SLC44A5: variants seen among roughly 807,000 people sequenced by gnomAD.
The protein encoded by SLC44A5 is solute carrier family 44 member 5.
A neutral mutation model predicts 101.8 loss-of-function variants in SLC44A5; 57 were observed. The ratio of observed to expected loss-of-function variants is 0.56; its 90% confidence interval spans 0.45 to 0.70. The LOEUF (loss-of-function observed/expected upper bound fraction) is 0.70, where lower values mean the gene tolerates loss of function less well. Among genes scored for constraint, SLC44A5 ranks in the 30% least tolerant of loss-of-function variants. SLC44A5 has a pLI of 0.00. For missense variants in SLC44A5, 737 were observed against 853.1 expected, an observed-to-expected ratio of 0.86 and a Z score of 1.70; for synonymous variants, 281 against 290.9, an observed-to-expected ratio of 0.97 and a Z score of 0.35.
At chr1:75,453,648 C>G (rs1666025377) in intron 2 of SLC44A5, among the ~76,000 whole-genome samples, 2 of 152,006 alleles carry the variant, frequency 1.3e-5, no homozygotes, top group Non-Finnish European at 2.9e-5. Context: ...CAATAGACCA[C>G]TAGCTAGATG....
At position 75,360,404 on chromosome 1, in the gene SLC44A5, A is replaced by T. The variant is rs570586759; in HGVS notation, c.53-20774T>A. Among the ~76,000 whole-genome samples, 1,396 of 152,220 alleles carry T rather than the reference A, an allele frequency of 9.2e-3. 27 individuals carry two copies. Among genetic ancestry groups the T allele is most frequent in the African/African-American group, 0.032 (1,337 of 41,524 alleles). ...AGGCTGGTTTTGAACTCCTGGCTTC[A>T]AGTGATCCTCCCACCTTGGCCTCTC... On this transcript the variant is annotated intron_variant, in intron 3 of 23. Coordinates refer to ENST00000370859, the MANE Select transcript of SLC44A5 (RefSeq NM_001130058.2).
intron 2 of SLC44A5, among the ~76,000 whole-genome samples, chr1:75,528,931 A>G (rs1341493656): frequency 1.3e-5 from 2 of 152,082 alleles, no homozygotes; most frequent in East Asian, 3.9e-4. Flanking sequence ...GCCTCTTCTT[A>G]CCTGACTCAA....
At chr1:75,677,624 T>A in the SLC44A5 span, 1 of 356,266 alleles carries the variant, frequency 2.8e-6, no homozygotes, top group Admixed American at 4.2e-5. Context: ...TAGGAGTAAG[T>A]CCTTAATTAT....
chr1:75,323,877 T>C (rs1469763225), intron 4 of SLC44A5, among the ~76,000 whole-genome samples: 1 of 152,212 alleles, frequency 6.6e-6, no homozygotes, highest in Admixed American at 6.5e-5. Flanking sequence ...AGCATACTAG[T>C]ATTTCAAAGC....
rs1046909576 is a variant in SLC44A5, at chr1:75,604,943, T to C, written c.-70+6097A>G. Among the ~76,000 whole-genome samples, 7 of 152,110 alleles carry C rather than the reference T, an allele frequency of 4.6e-5. No homozygotes were observed. In the South Asian group the frequency reaches 8.3e-4, roughly 18 times the overall value. ...AGTCTTTAGGGATTCCTAGGAGAGATAGTTTGACTTCTTCTTTTCCTATTT... is the reference window on the plus strand; with the variant it reads ...AGTCTTTAGGGATTCCTAGGAGAGACAGTTTGACTTCTTCTTTTCCTATTT... On this transcript the variant is annotated intron_variant, in intron 1 of 23. Transcript: ENST00000370859.
chr1:75,390,718 A>T (rs995073891), intron 3 of SLC44A5, among the ~76,000 whole-genome samples: 5 of 152,180 alleles, frequency 3.3e-5, no homozygotes, highest in African/African-American at 1.2e-4. Flanking sequence ...AATTTATGAA[A>T]AACCTGTAGC....
intron 1 of SLC44A5, among the ~76,000 whole-genome samples, chr1:75,577,312 T>G (rs1282088868): frequency 2.0e-5 from 3 of 152,224 alleles, no homozygotes; most frequent in Non-Finnish European, 4.4e-5. Context: ...TTTGCATATT[T>G]CTCAGAATAA....
intron 7 of SLC44A5, among the ~76,000 whole-genome samples, chr1:75,243,915 T>C (rs758082311): frequency 1.3e-5 from 2 of 152,040 alleles, no homozygotes; most frequent in Non-Finnish European, 2.9e-5. Flanking sequence ...CTTCTTAATC[T>C]ATTAATTCCC....
At chr1:75,370,009 T>C (rs1388919520) in intron 3 of SLC44A5, among the ~76,000 whole-genome samples, 1 of 152,216 alleles carries the variant, frequency 6.6e-6, no homozygotes, top group African/African-American at 2.4e-5. Context: ...TCATTTATGT[T>C]TGAAAATAAA....
chr1:75,614,147 G>A (rs1675769305), upstream of SLC44A5, among the ~76,000 whole-genome samples: 1 of 152,218 alleles, frequency 6.6e-6, no homozygotes, highest in African/African-American at 2.4e-5. Context: ...TAAAAAAGGA[G>A]CGAACCAAAA....
At chr1:75,357,685 G>A (rs1205093334) in intron 3 of SLC44A5, among the ~76,000 whole-genome samples, 1 of 152,084 alleles carries the variant, frequency 6.6e-6, no homozygotes, top group Non-Finnish European at 1.5e-5. Context: ...GTGGGTGGAG[G>A]AAGGAAAACT....
chr1:75,483,533 G>A (rs1055278542), intron 2 of SLC44A5, among the ~76,000 whole-genome samples: 15 of 152,102 alleles, frequency 9.9e-5, no homozygotes, highest in African/African-American at 3.1e-4. Context: ...TAAAAGAGTT[G>A]CTGAAACATT....
intron 3 of SLC44A5, among the ~76,000 whole-genome samples, chr1:75,380,064 CA>C: frequency 1.2e-5 from 1 of 83,886 alleles, no homozygotes; most frequent in Non-Finnish European, 2.1e-5. Flanking sequence ...CAAACTGGGG[CA>C]TTCCCAATTC....
intron 2 of SLC44A5, among the ~76,000 whole-genome samples, chr1:75,454,093 G>A (rs1204917083): frequency 6.6e-6 from 1 of 151,662 alleles, no homozygotes; most frequent in South Asian, 2.1e-4. Context: ...AGGACACAAC[G>A]AAAAAAGAAA....
chr1:75,684,081 G>A, the SLC44A5 span, among the ~76,000 whole-genome samples: 2 of 152,088 alleles, frequency 1.3e-5, no homozygotes, highest in Non-Finnish European at 2.9e-5. Context: ...AAAAGCAAAG[G>A]TACATCTTAC....
At chr1:75,351,323 C>T (rs935770389) in intron 3 of SLC44A5, among the ~76,000 whole-genome samples, 1 of 151,850 alleles carries the variant, frequency 6.6e-6, no homozygotes, top group Non-Finnish European at 1.5e-5. Context: ...AGTAAGTGTA[C>T]ACTCTGTTCA....
the SLC44A5 span, among the ~76,000 whole-genome samples, chr1:75,675,483 A>G: frequency 3.3e-5 from 5 of 152,158 alleles, no homozygotes; most frequent in Non-Finnish European, 5.9e-5. Flanking sequence ...ACTTTGTTGA[A>G]GTTGCTTATC....
the SLC44A5 span, among the ~76,000 whole-genome samples, chr1:75,667,328 T>C: frequency 3.9e-5 from 6 of 152,014 alleles, no homozygotes; most frequent in Non-Finnish European, 7.4e-5. Context: ...CCATTCACAA[T>C]TGCTACTAAG....
intron 5 of SLC44A5, among the ~76,000 whole-genome samples, chr1:75,293,162 G>A (rs79053281): frequency 0.01 from 1,576 of 152,350 alleles, 33 homozygotes; most frequent in African/African-American, 0.036. Flanking sequence ...ATTGGCAAGA[G>A]ATGGTGAAAA....
Sources: allele counts gnomAD v4.1 joint callset (sites outside exome capture counted in the v4.1 genomes callset), GRCh38; gene constraint gnomAD v4.1.1; transcripts MANE v1.5; gene names NCBI Gene and HGNC (gene_info 2026-07-23, HGNC 2026-07-21).